The following BMERB1 variants were observed in gnomAD, a reference collection of about 807,000 sequenced individuals.
BMERB1 encodes bMERB domain-containing protein 1.
BMERB1 carries 12 observed loss-of-function variants against 23.6 expected under a neutral mutation model. The ratio of observed to expected loss-of-function variants is 0.51; its 90% CI spans 0.33 to 0.82. The LOEUF is 0.82. Ranked by LOEUF, BMERB1 falls within the 40% of genes least tolerant of loss-of-function variation. The pLI is 0.03. For synonymous variants in BMERB1, 122 were observed against 96.6 expected, an observed-to-expected ratio of 1.26 and a Z score of -1.54; for missense variants, 247 against 255.4, an observed-to-expected ratio of 0.97 and a Z score of 0.22.
At chr16:15,449,170 A>G (rs974809211) in intron 1 of BMERB1, among the ~76,000 whole-genome samples, 1 of 152,240 alleles carries the variant, frequency 6.6e-6, no homozygotes, top group Admixed American at 6.5e-5. Flanking sequence ...TGGATTGGAT[A>G]AAGAAAATAT....
chr16:15,439,560 T>G (rs577937032), intron 1 of BMERB1, among the ~76,000 whole-genome samples: 15 of 152,288 alleles, frequency 9.8e-5, no homozygotes, highest in African/African-American at 3.4e-4. Flanking sequence ...ACTGCCTTCC[T>G]CATGGGAACA....
chr16:15,555,216 C>T (rs1244593905), intron 2 of BMERB1, among the ~76,000 whole-genome samples: 1 of 152,090 alleles, frequency 6.6e-6, no homozygotes, highest in Non-Finnish European at 1.5e-5. Flanking sequence ...GCTGGAACCA[C>T]AGGTACACAC....
intron 2 of BMERB1, among the ~76,000 whole-genome samples, chr16:15,560,569 AT>A (rs1388851554): frequency 6.6e-6 from 1 of 152,128 alleles, no homozygotes; most frequent in African/African-American, 2.4e-5. Flanking sequence ...AGGTGGGTGG[AT>A]TGCTTGAGTC....
chr16:15,447,363 A>C (rs1481350724), intron 1 of BMERB1, among the ~76,000 whole-genome samples: 3 of 152,114 alleles, frequency 2.0e-5, no homozygotes, highest in East Asian at 1.9e-4. Flanking sequence ...AAACAACCAG[A>C]TCTCGTGAGA....
At chr16:15,532,912 C>G (rs2051983745) in intron 2 of BMERB1, 1 of 435,996 alleles carries the variant, frequency 2.3e-6, no homozygotes, top group Non-Finnish European at 4.6e-6. Flanking sequence ...AAATAGACCT[C>G]GTGCCTGGTA....
chr16:15,579,251 T>C (rs2030947797), intron 3 of BMERB1, among the ~76,000 whole-genome samples: 1 of 152,066 alleles, frequency 6.6e-6, no homozygotes, highest in African/African-American at 2.4e-5. Context: ...GGTGAGTCGA[T>C]GGGTGTTGGT....
At chr16:15,470,765 C>T (rs549516504) in intron 1 of BMERB1, among the ~76,000 whole-genome samples, 3 of 147,958 alleles carry the variant, frequency 2.0e-5, no homozygotes, top group African/African-American at 5.0e-5. Flanking sequence ...ACCTCATGAT[C>T]TGCCCACTTT....
At chr16:15,477,215 C>G (rs1377995065) in intron 1 of BMERB1, among the ~76,000 whole-genome samples, 1 of 152,102 alleles carries the variant, frequency 6.6e-6, no homozygotes, top group Non-Finnish European at 1.5e-5. Flanking sequence ...GAAGGCACCT[C>G]TTCATAGGGC....
chr16:15,504,652 T>G (rs1260873830), intron 1 of BMERB1, among the ~76,000 whole-genome samples: 2 of 151,990 alleles, frequency 1.3e-5, no homozygotes, highest in African/African-American at 4.8e-5. Context: ...GGGGTCTTGC[T>G]CTGTTGCCCA....
At chr16:15,555,790 T>G (rs910384382) in intron 2 of BMERB1, among the ~76,000 whole-genome samples, 2 of 152,206 alleles carry the variant, frequency 1.3e-5, no homozygotes, top group African/African-American at 4.8e-5. Context: ...ACACTTATCC[T>G]TACCCAGGGA....
chr16:15,568,182 T>C (rs1328923723), intron 3 of BMERB1, 126 bp downstream of exon 3: 1 of 719,828 alleles, frequency 1.4e-6, no homozygotes, highest in Non-Finnish European at 2.3e-6. Context: ...TGACTGCATG[T>C]GTCAAACACA....
At chr16:15,556,619 C>T (rs59131245) in intron 2 of BMERB1, among the ~76,000 whole-genome samples, 17,943 of 152,172 alleles carry the variant, frequency 0.12, 1,343 homozygotes, top group East Asian at 0.19. Context: ...CGGAGTCTCG[C>T]TCTGTTGCCA....
At chr16:15,562,779 C>T (rs2030459019) in intron 2 of BMERB1, among the ~76,000 whole-genome samples, 2 of 152,164 alleles carry the variant, frequency 1.3e-5, no homozygotes, top group African/African-American at 4.8e-5. Context: ...TCCAGTTGAA[C>T]GATCGCTGAT....
chr16:15,526,142 A>T (rs1053558860), intron 2 of BMERB1, among the ~76,000 whole-genome samples: 1 of 152,242 alleles, frequency 6.6e-6, no homozygotes, highest in African/African-American at 2.4e-5. Flanking sequence ...ATACATTTGT[A>T]TAGGACATTT....
intron 2 of BMERB1, among the ~76,000 whole-genome samples, chr16:15,516,910 G>A (rs765596667): frequency 1.3e-5 from 2 of 152,140 alleles, no homozygotes; most frequent in South Asian, 2.1e-4. Context: ...CAGTGAGGCC[G>A]TCATAGCTCA....
At chr16:15,479,030 A>G (rs371047591) in intron 1 of BMERB1, among the ~76,000 whole-genome samples, 1 of 152,232 alleles carries the variant, frequency 6.6e-6, no homozygotes, top group Admixed American at 6.5e-5. Flanking sequence ...ATTGAAAGAA[A>G]TACTGAGAAA....
At chr16:15,442,505 T>C (rs1022364921) in intron 1 of BMERB1, among the ~76,000 whole-genome samples, 6 of 152,168 alleles carry the variant, frequency 3.9e-5, no homozygotes, top group Non-Finnish European at 8.8e-5. Context: ...TAATGTCTGC[T>C]CATAACTTTG....
chr16:15,529,862 G>A (rs1281790695), intron 2 of BMERB1, among the ~76,000 whole-genome samples: 1 of 152,168 alleles, frequency 6.6e-6, no homozygotes, highest in African/African-American at 2.4e-5. Flanking sequence ...TTTTCCTGTG[G>A]CTACTGTAAC....
intron 1 of BMERB1, among the ~76,000 whole-genome samples, chr16:15,449,102 C>T (rs750538102): frequency 6.6e-6 from 1 of 152,142 alleles, no homozygotes; most frequent in Non-Finnish European, 1.5e-5. Context: ...ATAACTGGTC[C>T]GTTTAGCACT....
Sources: allele counts gnomAD v4.1 joint callset (sites outside exome capture counted in the v4.1 genomes callset), GRCh38; gene constraint gnomAD v4.1.1; transcripts MANE v1.5; gene names NCBI Gene and HGNC (gene_info 2026-07-23, HGNC 2026-07-21).